The following CNTNAP2 variants were observed in gnomAD, a reference collection of about 807,000 sequenced individuals.
CNTNAP2 encodes the protein contactin-associated protein-like 2.
Under a neutral mutation model 155.2 loss-of-function variants are expected in CNTNAP2, and 98 were observed. The observed-to-expected ratio is 0.63, with a 90% CI of 0.54 to 0.75. The LOEUF (loss-of-function observed/expected upper bound fraction) is 0.75, where lower values mean the gene tolerates loss of function less well. CNTNAP2 is among the 30% of genes least tolerant of loss of function. CNTNAP2 has a pLI of 0.00. For missense variants in CNTNAP2, 1,727 were observed against 1,688.1 expected (o/e 1.02, Z -0.40); for synonymous variants, 651 against 631.2 (o/e 1.03, Z -0.47).
At chr7:147,290,524 T>A (rs1284178291) in intron 8 of CNTNAP2, among the ~76,000 whole-genome samples, 1 of 151,394 alleles carries the variant, frequency 6.6e-6, no homozygotes, top group Non-Finnish European at 1.5e-5. Context: ...CTACTAAAAT[T>A]ACAAAAAAAT....
chr7:147,686,117 A>G (rs902779417), intron 13 of CNTNAP2, among the ~76,000 whole-genome samples: 2 of 152,092 alleles, frequency 1.3e-5, no homozygotes, highest in African/African-American at 4.8e-5. Flanking sequence ...GGTGCCACTT[A>G]GGAGATTATT....
intron 14 of CNTNAP2, among the ~76,000 whole-genome samples, chr7:147,956,746 AG>A (rs1467870726): frequency 6.6e-6 from 1 of 152,190 alleles, no homozygotes; most frequent in East Asian, 1.9e-4. Context: ...GTTTGGGGAC[AG>A]GAAGAAGATT....
chr7:146,434,347 A>G (rs1304638257), intron 1 of CNTNAP2, among the ~76,000 whole-genome samples: 2 of 152,150 alleles, frequency 1.3e-5, no homozygotes, highest in Non-Finnish European at 2.9e-5. Context: ...TAAAGCATTA[A>G]TGGTGCTTTC....
chr7:146,357,886 A>C (rs1458167514), intron 1 of CNTNAP2, among the ~76,000 whole-genome samples: 2 of 145,140 alleles, frequency 1.4e-5, no homozygotes, highest in African/African-American at 5.4e-5. Flanking sequence ...GGAAACAAAT[A>C]AGAAGTATAC....
intron 1 of CNTNAP2, among the ~76,000 whole-genome samples, chr7:146,233,396 A>T (rs1050993388): frequency 6.6e-6 from 1 of 152,246 alleles, no homozygotes; most frequent in East Asian, 1.9e-4. Flanking sequence ...AGCCTTTGCC[A>T]TGCTAAAACA....
At chr7:146,907,033 A>T (rs1332574369) in intron 3 of CNTNAP2, among the ~76,000 whole-genome samples, 1 of 150,928 alleles carries the variant, frequency 6.6e-6, no homozygotes, top group Non-Finnish European at 1.5e-5. Flanking sequence ...GATGCGATCA[A>T]CCGGAAGAAA....
intron 19 of CNTNAP2, among the ~76,000 whole-genome samples, chr7:148,220,194 C>T (rs1195064926): frequency 6.6e-6 from 1 of 152,220 alleles, no homozygotes; most frequent in Admixed American, 6.5e-5. Flanking sequence ...GCTCTGCCTT[C>T]CAGGTTCACA....
At chr7:146,205,305 A>G (rs1344357609) in intron 1 of CNTNAP2, among the ~76,000 whole-genome samples, 4 of 151,982 alleles carry the variant, frequency 2.6e-5, no homozygotes, top group Non-Finnish European at 4.4e-5. Flanking sequence ...TTCTCTGTAG[A>G]CTGCACAATT....
chr7:147,593,119 A>C (rs1800769930), intron 12 of CNTNAP2, among the ~76,000 whole-genome samples: 1 of 152,122 alleles, frequency 6.6e-6, no homozygotes, highest in South Asian at 2.1e-4. Context: ...TTGCAGAATA[A>C]CTTTCACTTA....
At chr7:146,447,234 G>T (rs1428604329) in intron 1 of CNTNAP2, among the ~76,000 whole-genome samples, 1 of 152,054 alleles carries the variant, frequency 6.6e-6, no homozygotes, top group Non-Finnish European at 1.5e-5. Context: ...TTGCTCAATG[G>T]AGAGTGTACG....
At chr7:147,830,133 C>T (rs62482318) in intron 13 of CNTNAP2, among the ~76,000 whole-genome samples, 3,894 of 149,126 alleles carry the variant, frequency 0.026, 75 homozygotes, top group Non-Finnish European at 0.041. Flanking sequence ...GCTTGGAGTA[C>T]GTACTGTCTC....
intron 13 of CNTNAP2, among the ~76,000 whole-genome samples, chr7:147,818,082 C>T (rs1267465306): frequency 6.6e-6 from 1 of 151,672 alleles, no homozygotes; most frequent in Non-Finnish European, 1.5e-5. Context: ...CAGTTATTCC[C>T]ACATAACTGT....
chr7:147,769,139 T>G (rs1301566066), intron 13 of CNTNAP2, among the ~76,000 whole-genome samples: 3 of 152,192 alleles, frequency 2.0e-5, no homozygotes, highest in Admixed American at 6.5e-5. Flanking sequence ...AGATTTTATA[T>G]GATTCAGTTA....
chr7:146,137,107 A>G (rs375462697), intron 1 of CNTNAP2, among the ~76,000 whole-genome samples: 1 of 152,188 alleles, frequency 6.6e-6, no homozygotes, highest in Non-Finnish European at 1.5e-5. Flanking sequence ...GTATTTCCCA[A>G]CTTTTCTTGG....
intron 3 of CNTNAP2, among the ~76,000 whole-genome samples, chr7:146,887,403 C>G (rs1428683852): frequency 6.6e-6 from 1 of 152,054 alleles, no homozygotes; most frequent in Admixed American, 6.6e-5. Flanking sequence ...TCTCCAACTC[C>G]TGTAATCCTA....
At chr7:146,880,874 A>C (rs1352428583) in intron 3 of CNTNAP2, among the ~76,000 whole-genome samples, 1 of 152,150 alleles carries the variant, frequency 6.6e-6, no homozygotes, top group African/African-American at 2.4e-5. Context: ...ATTCACAAGG[A>C]CTTACTAACT....
intron 1 of CNTNAP2, among the ~76,000 whole-genome samples, chr7:146,235,593 G>C (rs1353894879): frequency 1.3e-5 from 2 of 152,112 alleles, no homozygotes. Context: ...CATCTTCTCT[G>C]GGGCATAAGG....
intron 4 of CNTNAP2, among the ~76,000 whole-genome samples, chr7:147,066,258 C>G (rs2129264037): frequency 6.7e-6 from 1 of 148,948 alleles, no homozygotes; most frequent in South Asian, 2.1e-4. Context: ...GTCGTCAGTT[C>G]TAAGGTTATT....
intron 18 of CNTNAP2, among the ~76,000 whole-genome samples, chr7:148,177,177 T>G (rs1361706650): frequency 1.3e-5 from 2 of 152,200 alleles, no homozygotes; most frequent in Admixed American, 6.5e-5. Context: ...AAAATTCATG[T>G]CCACCTAGGA....
Sources: allele counts gnomAD v4.1 joint callset (sites outside exome capture counted in the v4.1 genomes callset), GRCh38; gene constraint gnomAD v4.1.1; transcripts MANE v1.5; gene names NCBI Gene and HGNC (gene_info 2026-07-23, HGNC 2026-07-21).